Variants in CBLB observed in about 807,000 individuals in gnomAD.
CBLB encodes the protein E3 ubiquitin-protein ligase CBL-B.
Under a neutral mutation model 104.9 loss-of-function variants are expected in CBLB, and 31 were observed. That is an observed-to-expected ratio of 0.30 (90% CI 0.22 to 0.40). The LOEUF is 0.40. Ranked by LOEUF, CBLB falls within the 10% of genes least tolerant of loss-of-function variation. The pLI, the probability that CBLB is intolerant of heterozygous loss-of-function variation, is 1.00. For missense variants in CBLB, 1,062 were observed against 1,214.6 expected, an observed-to-expected ratio of 0.87 and a Z score of 1.87; for synonymous variants, 440 against 422.6, an observed-to-expected ratio of 1.04 and a Z score of -0.51.
chr3:105,749,182 G>A (rs925411068), intron 5 of CBLB, among the ~76,000 whole-genome samples: 3 of 152,050 alleles, frequency 2.0e-5, no homozygotes, highest in Non-Finnish European at 2.9e-5. Context: ...GCACACATAC[G>A]ATTATATTCA....
At chr3:105,857,158 T>A (rs2091698395) in intron 2 of CBLB, among the ~76,000 whole-genome samples, 1 of 152,184 alleles carries the variant, frequency 6.6e-6, no homozygotes, top group South Asian at 2.1e-4. Flanking sequence ...TTCTGTCAGG[T>A]ATTTTTTTTC....
At chr3:105,864,710 G>A (rs992388429) in intron 2 of CBLB, among the ~76,000 whole-genome samples, 5 of 152,152 alleles carry the variant, frequency 3.3e-5, no homozygotes, top group East Asian at 3.9e-4. Context: ...TGACCTTAGA[G>A]CAAAAGCCTG....
intron 18 of CBLB, among the ~76,000 whole-genome samples, chr3:105,660,199 C>T (rs2063650905): frequency 6.6e-6 from 1 of 152,032 alleles, no homozygotes; most frequent in East Asian, 1.9e-4. Flanking sequence ...TATACGTATA[C>T]ATGAGATGGA....
Position 105,746,138 on chromosome 3 carries a change from T to C in CBLB, c.724-100A>G, listed in dbSNP as rs924732431. ...TTAATACACTTAACATTATCTTGGATATTTTAAAAGTTAATCTGACCTTAT... is the reference window on the plus strand; with the variant it reads ...TTAATACACTTAACATTATCTTGGACATTTTAAAAGTTAATCTGACCTTAT... On this transcript the variant is annotated intron_variant, in intron 5 of 18. Coordinates refer to ENST00000394030, the MANE Select transcript of CBLB (RefSeq NM_170662.5). 8 of 850,782 alleles carry C rather than the reference T, an allele frequency of 9.4e-6. No homozygotes were observed. In the African/African-American group the frequency reaches 1.4e-4, roughly 15 times the overall value. The allele number at this position is 850,782 out of a possible 1,614,324, so 52.7% of individuals were successfully genotyped here.
chr3:105,787,695 G>C (rs1487257353), intron 3 of CBLB, among the ~76,000 whole-genome samples: 21 of 152,214 alleles, frequency 1.4e-4, no homozygotes. Flanking sequence ...CCTGAAGGCA[G>C]TATGCCAAGA....
intron 2 of CBLB, among the ~76,000 whole-genome samples, chr3:105,855,768 C>T (rs1423449613): frequency 6.6e-6 from 1 of 152,114 alleles, no homozygotes; most frequent in African/African-American, 2.4e-5. Flanking sequence ...TGTAGATATA[C>T]CGGCTTTTTA....
At chr3:105,812,504 T>C (rs1338298517) in intron 3 of CBLB, among the ~76,000 whole-genome samples, 1 of 152,192 alleles carries the variant, frequency 6.6e-6, no homozygotes, top group Admixed American at 6.5e-5. Context: ...GAAGATACGA[T>C]CTAAACAGCA....
At chr3:105,767,358 T>C (rs2078334715) in intron 4 of CBLB, among the ~76,000 whole-genome samples, 1 of 152,086 alleles carries the variant, frequency 6.6e-6, no homozygotes, top group African/African-American at 2.4e-5. Flanking sequence ...TATTTTCCTT[T>C]CTTTCATATT....
At chr3:105,824,376 T>A (rs567485419) in intron 3 of CBLB, 1 of 152,302 alleles carries the variant, frequency 6.6e-6, no homozygotes, top group South Asian at 2.1e-4. Flanking sequence ...TCACCGCTTA[T>A]GCTTGTAAAA....
chr3:105,728,975 A>G (rs2074003741), intron 9 of CBLB, among the ~76,000 whole-genome samples: 1 of 152,174 alleles, frequency 6.6e-6, no homozygotes, highest in Admixed American at 6.5e-5. Context: ...AAAGTAGGGC[A>G]TCAGATGGAA....
chr3:105,818,264 T>C (rs1445871721), intron 3 of CBLB, among the ~76,000 whole-genome samples: 1 of 152,100 alleles, frequency 6.6e-6, no homozygotes, highest in Non-Finnish European at 1.5e-5. Flanking sequence ...ATTTAGCAAA[T>C]AAGCTATTAA....
At chr3:105,741,654 C>A (rs896198127) in intron 6 of CBLB, among the ~76,000 whole-genome samples, 1 of 152,104 alleles carries the variant, frequency 6.6e-6, no homozygotes, top group African/African-American at 2.4e-5. Context: ...CTTGGCCTCC[C>A]AAAGTGCTGG....
chr3:105,823,864 T>C (rs2086216548), intron 3 of CBLB, among the ~76,000 whole-genome samples: 1 of 152,146 alleles, frequency 6.6e-6, no homozygotes, highest in Non-Finnish European at 1.5e-5. Context: ...TGAGCTTCCA[T>C]TCTTATAATG....
intron 10 of CBLB, among the ~76,000 whole-genome samples, chr3:105,705,432 C>G (rs530260362): frequency 2.0e-5 from 3 of 152,150 alleles, no homozygotes; most frequent in African/African-American, 7.2e-5. Context: ...TTTATTATTA[C>G]GTCTCCCTAC....
At chr3:105,713,879 C>T (rs1039049291) in intron 10 of CBLB, among the ~76,000 whole-genome samples, 24 of 152,084 alleles carry the variant, frequency 1.6e-4, no homozygotes, top group African/African-American at 5.6e-4. Context: ...CATGGGCTTG[C>T]AGGATATTTA....
chr3:105,670,351 A>T lies in CBLB; in HGVS notation c.2571T>A (p.Asp857Glu), dbSNP rs759558747. The part of the protein sequence containing the change: ...SGQDLFLLPS[D>E]PFVDLASGQV... The stretch of plus-strand genomic sequence containing the variant: ...GGCCACTTGCTAGATCAACAAAGGG[A>T]TCTTAAAAATAAAAACAAGTTTCAA... Residue 857 changes from aspartate to glutamate, a missense_variant and splice_region_variant, in exon 18 of 19, where the codon GAT (aspartate) becomes GAA (glutamate). Around this residue, in one of 2 missense-constraint regions of CBLB, gnomAD observed 605 missense variants for 582.6 expected, o/e 1.04. Transcript: ENST00000394030. 1 of 1,610,426 alleles carries T rather than the reference A, an allele frequency of 6.2e-7. No homozygotes were observed. The highest frequency in any genetic ancestry group is 8.5e-7 in the Non-Finnish European group (1 of 1,177,182).
At position 105,656,263 on chromosome 3, in the gene CBLB, T is replaced by G. The variant is rs1017169695; in HGVS notation, c.*2707A>C. Reference sequence around the variant, plus strand: ...AGTAAGTTAATTTGTCTTAATTTTATGTATTATATGAAATGCTGACTTAAA... The same window carrying G: ...AGTAAGTTAATTTGTCTTAATTTTAGGTATTATATGAAATGCTGACTTAAA... On this transcript the variant is annotated 3_prime_UTR_variant, in exon 19 of 19. Transcript: ENST00000394030. The G allele has an allele frequency of 3.5e-4, 74 of 211,264 alleles. No homozygotes were observed. Among genetic ancestry groups the G allele is most frequent in the African/African-American group, 1.6e-3 (70 of 43,808 alleles). 13.1% of individuals were successfully genotyped at this position (211,264 alleles called of 1,614,324 possible).
At chr3:105,697,506 A>G (rs1468202301) in intron 12 of CBLB, among the ~76,000 whole-genome samples, 1 of 152,016 alleles carries the variant, frequency 6.6e-6, no homozygotes, top group Non-Finnish European at 1.5e-5. Flanking sequence ...AAACCCCTAC[A>G]CATGCTACCT....
chr3:105,726,047 C>T (rs117124792), intron 9 of CBLB, among the ~76,000 whole-genome samples: 2 of 152,228 alleles, frequency 1.3e-5, no homozygotes, highest in East Asian at 3.9e-4. Flanking sequence ...ACAGGGTTCG[C>T]CATGTTGGCT....
Sources: allele counts gnomAD v4.1 joint callset (sites outside exome capture counted in the v4.1 genomes callset), GRCh38; gene constraint gnomAD v4.1.1; regional missense constraint gnomAD v4.1.1; transcripts MANE v1.5; gene names NCBI Gene and HGNC (gene_info 2026-07-23, HGNC 2026-07-21).